Variants in ME2 observed in about 807,000 individuals in gnomAD.
The protein encoded by ME2 is NAD-dependent malic enzyme, mitochondrial.
A neutral mutation model predicts 73.7 loss-of-function variants in ME2; 60 were observed. The observed-to-expected ratio is 0.81, with a 90% CI of 0.66 to 1.01. The LOEUF (loss-of-function observed/expected upper bound fraction) is 1.01, where lower values mean the gene tolerates loss of function less well. ME2 is among the 50% of genes least tolerant of loss of function. The pLI is 0.00. For synonymous variants in ME2, 199 were observed against 236.9 expected, an observed-to-expected ratio of 0.84 and a Z score of 1.47; for missense variants, 594 against 705.5, an observed-to-expected ratio of 0.84 and a Z score of 1.79.
intron 1 of ME2, among the ~76,000 whole-genome samples, chr18:50,894,916 GT>G (rs1916699307): frequency 6.8e-6 from 1 of 148,088 alleles, no homozygotes; most frequent in Non-Finnish European, 1.5e-5. Context: ...CCTCTGAATT[GT>G]TCAGTTTAAA....
At chr18:50,921,215 A>G (rs759256746) in intron 10 of ME2, 28 bp downstream of exon 10, 17 of 1,133,294 alleles carry the variant, frequency 1.5e-5, no homozygotes, top group Non-Finnish European at 2.1e-5. Context: ...TGGAGAAGCA[A>G]AAGAGTGTAT....
intron 1 of ME2, among the ~76,000 whole-genome samples, chr18:50,882,284 G>C (rs1176794803): frequency 6.6e-6 from 1 of 152,066 alleles, no homozygotes; most frequent in Admixed American, 6.6e-5. Flanking sequence ...ACAGGTGTTC[G>C]CCACGGGATT....
At chr18:50,916,048 C>G in intron 4 of ME2, 120 bp from the exon 5 acceptor site, 1 of 688,654 alleles carries the variant, frequency 1.5e-6, no homozygotes, top group South Asian at 2.1e-5. Flanking sequence ...TTAGCTAAAT[C>G]TGCTTGGAAA....
At position 50,924,123 on chromosome 18, in the gene ME2, A is replaced by G; in HGVS notation, c.1082A>G (p.Tyr361Cys). Residue 361 changes from tyrosine to cysteine, a missense_variant, in exon 11 of 16, where the codon TAT becomes TGT. Coordinates refer to ENST00000321341, the MANE Select transcript of ME2 (RefSeq NM_002396.5). The part of the protein sequence containing the change: ...VKGRKAKIDS[Y>C]QEPFTHSAPE... Reference sequence around the variant, plus strand: ...GGACGGAAAGCAAAAATAGATAGTTATCAGGAACCATTTACTCACTCAGCC... The same window carrying G: ...GGACGGAAAGCAAAAATAGATAGTTGTCAGGAACCATTTACTCACTCAGCC... The G allele has an allele frequency of 2.5e-6, 4 of 1,613,038 alleles. No individual in the cohort carries two copies. Among genetic ancestry groups the G allele is most frequent in the Non-Finnish European group, 3.4e-6 (4 of 1,179,442 alleles).
At chr18:50,908,956 C>CTTTTTT (rs71171364) in intron 3 of ME2, among the ~76,000 whole-genome samples, 1 of 127,372 alleles carries the variant, frequency 7.9e-6, no homozygotes, top group Non-Finnish European at 1.6e-5. Context: ...CTTTTCTTTT[C>CTTTTTT]TTTTTTTTTT....
chr18:50,883,587 G>A (rs114497411), intron 1 of ME2, among the ~76,000 whole-genome samples: 3,029 of 152,330 alleles, frequency 0.02, 48 homozygotes, highest in African/African-American at 0.04. Flanking sequence ...CTCCTGCTGG[G>A]TGTGGTGGCT....
At chr18:50,938,075 C>T (rs1471428522) in intron 13 of ME2, among the ~76,000 whole-genome samples, 1 of 152,166 alleles carries the variant, frequency 6.6e-6, no homozygotes, top group African/African-American at 2.4e-5. Context: ...TGCCTGTAAT[C>T]CCAGCACTTT....
At chr18:50,917,576 T>A in intron 6 of ME2, 68 bp downstream of exon 6, 1 of 1,159,696 alleles carries the variant, frequency 8.6e-7, no homozygotes, top group Non-Finnish European at 1.2e-6. Flanking sequence ...ATATTCCTTT[T>A]TTGAAAATGA....
rs1479870050 is a variant in ME2 at position 50,947,132 on chromosome 18, A to G, written c.1703A>G (p.Asp568Gly). ...WRSEYDSLLPDVYEWPESASS... is the reference protein window; with the variant it reads ...WRSEYDSLLPGVYEWPESASS... ...AGTGAATATGATTCCCTGCTGCCAG[A>G]TGTGTATGAATGGCCAGAATCTGCA... is the stretch of plus-strand genomic sequence containing the variant. Residue 568 changes from aspartate (D) to glycine (G), a missense_variant, in exon 16 of 16, where the codon GAT becomes GGT. By Grantham distance (94) the Asp-to-Gly change is moderately conservative (BLOSUM62 -1). Coordinates refer to ENST00000321341, the MANE Select transcript of ME2 (RefSeq NM_002396.5). 1 of 1,613,780 alleles carries G rather than the reference A, an allele frequency of 6.2e-7. No homozygotes were observed.
chr18:50,908,579 C>A (rs1327432899), intron 3 of ME2, among the ~76,000 whole-genome samples: 1 of 152,156 alleles, frequency 6.6e-6, no homozygotes. Flanking sequence ...TATTATATCA[C>A]CTAATCTAGG....
Position 50,947,534 on chromosome 18 carries a change from G to A in ME2, c.*350G>A, listed in dbSNP as rs1415007753. The stretch of plus-strand genomic sequence containing the variant: ...CTATTATGGGTAATACTCTTCTCTG[G>A]CCTAGTTCTTACAGAGCTACTAAAA... On this transcript the variant is annotated 3_prime_UTR_variant, in exon 16 of 16. Coordinates refer to ENST00000321341, the MANE Select transcript of ME2 (RefSeq NM_002396.5). 5.9e-6 allele frequency: 1 copy of A among 168,336 alleles called. No homozygotes were observed. Among genetic ancestry groups the A allele is most frequent in the Non-Finnish European group, 1.3e-5 (1 of 79,282 alleles). The allele number at this position is 168,336 out of a possible 1,614,324, so 10.4% of individuals were successfully genotyped here.
At chr18:50,890,092 GA>G (rs1916569418) in intron 1 of ME2, among the ~76,000 whole-genome samples, 1 of 151,844 alleles carries the variant, frequency 6.6e-6, no homozygotes, top group Non-Finnish European at 1.5e-5. Flanking sequence ...CTCTTTGATA[GA>G]AAAGCAACCC....
At chr18:50,889,849 A>G (rs1256380153) in intron 1 of ME2, among the ~76,000 whole-genome samples, 1 of 152,180 alleles carries the variant, frequency 6.6e-6, no homozygotes, top group African/African-American at 2.4e-5. Context: ...TAAGCCTAAT[A>G]TGTTTCGCTT....
intron 1 of ME2, among the ~76,000 whole-genome samples, chr18:50,886,283 G>A (rs1225460543): frequency 6.8e-6 from 1 of 146,468 alleles, no homozygotes; most frequent in South Asian, 2.1e-4. Context: ...TCACTCCGTT[G>A]CCCAGGCTGG....
Position 50,908,087 on chromosome 18 carries a change from C to A in ME2, c.133C>A (p.Arg45=). Residue 45 remains arginine, a synonymous_variant, in exon 3 of 16, where the codon CGA becomes AGA. Coordinates refer to ENST00000321341, the MANE Select transcript of ME2 (RefSeq NM_002396.5). ...GGGAATGGCATTTACTTTACAAGAA[C>A]GACAAATGCTTGGTCTTCAAGGACT... The part of the protein sequence containing the change: ...NKGMAFTLQE[R]QMLGLQGLLP... 1.3e-6 allele frequency: 2 copies of A among 1,584,898 alleles called. No homozygotes were observed. The highest frequency in any genetic ancestry group is 2.3e-5 in the South Asian group (2 of 85,908).
At chr18:50,933,558 A>T (rs1917748237) in intron 13 of ME2, 1 of 152,166 alleles carries the variant, frequency 6.6e-6, no homozygotes, top group Non-Finnish European at 1.5e-5. Flanking sequence ...GAACTTGATA[A>T]TGTTCAAAAT....
At chr18:50,910,420 CAGAG>C (rs776835028) in intron 3 of ME2, among the ~76,000 whole-genome samples, 25 of 141,880 alleles carry the variant, frequency 1.8e-4, no homozygotes, top group Non-Finnish European at 2.9e-4. Context: ...GCCTGGGTGA[CAGAG>C]TGAGACCCTG....
chr18:50,920,815 A>G, intron 9 of ME2, 57 bp downstream of exon 9: 1 of 1,303,128 alleles, frequency 7.7e-7, no homozygotes. Flanking sequence ...GAATTAGAAA[A>G]TGGGCAGAAT....
At chr18:50,946,988 C>G in intron 15 of ME2, 29 bp from the exon 16 acceptor site, 1 of 1,548,352 alleles carries the variant, frequency 6.5e-7, no homozygotes. Context: ...ATACTCAGAG[C>G]CTACACAATA....
Sources: gnomAD v4.1 joint callset for allele counts (sites outside exome capture counted in the v4.1 genomes callset) on GRCh38, gnomAD v4.1.1 for gene constraint, MANE v1.5 for transcripts, NCBI Gene and HGNC (gene_info 2026-07-23, HGNC 2026-07-21) for gene names.